WDPCP: variants seen among roughly 807,000 people sequenced by gnomAD.
WDPCP encodes WD repeat containing planar cell polarity effector, also known as WD repeat-containing and planar cell polarity effector protein fritz homolog.
WDPCP carries 71 observed loss-of-function variants against 93.1 expected under a neutral mutation model. The observed-to-expected ratio is 0.76, with a 90% CI of 0.63 to 0.93. The LOEUF (loss-of-function observed/expected upper bound fraction) is 0.93. Among genes scored for constraint, WDPCP ranks in the 40% least tolerant of loss-of-function variants. WDPCP has a pLI of 0.00. For synonymous variants in WDPCP, 315 were observed against 315.0 expected, an observed-to-expected ratio of 1.00 and a Z score of 0.00; for missense variants, 844 against 887.4, an observed-to-expected ratio of 0.95 and a Z score of 0.62.
chr2:63,765,806 G>A (rs1417793424), intron 2 of WDPCP, among the ~76,000 whole-genome samples: 1 of 152,208 alleles, frequency 6.6e-6, no homozygotes, highest in African/African-American at 2.4e-5. Flanking sequence ...TCATCTGCAT[G>A]GGAAACCCCT....
At chr2:63,348,942 T>G (rs1211563005) in intron 12 of WDPCP, among the ~76,000 whole-genome samples, 1 of 152,184 alleles carries the variant, frequency 6.6e-6, no homozygotes, top group Non-Finnish European at 1.5e-5. Context: ...CAGTATAAAT[T>G]GTGGACCTGA....
chr2:63,824,177 T>C (rs754389810), intron 1 of WDPCP, among the ~76,000 whole-genome samples: 20 of 152,038 alleles, frequency 1.3e-4, no homozygotes, highest in Non-Finnish European at 7.4e-5. Context: ...GTTTTATAAG[T>C]GTTTGACAGT....
intron 6 of WDPCP, among the ~76,000 whole-genome samples, chr2:63,470,773 T>C (rs770419176): frequency 6.6e-6 from 1 of 152,186 alleles, no homozygotes; most frequent in Non-Finnish European, 1.5e-5. Context: ...ATATAACTAG[T>C]GTCACATTTC....
rs185294046 is a variant in WDPCP, at chr2:63,810,222, G to T, written n.308+3400C>A. 1.2e-3 allele frequency among the ~76,000 whole-genome samples: 181 copies of T among 152,266 alleles called. 1 individual carries two copies. In the Middle Eastern group the frequency reaches 0.037, roughly 31 times the overall value. On this transcript the variant is annotated intron_variant and non_coding_transcript_variant, in intron 2 of 4. Transcript: ENST00000467687. ...CTTCTATTTTCCTCTGGATGATCTT[G>T]TCCACTCCATGACTTCAAATACCAT...
chr2:63,636,959 G>A (rs566665807), intron 3 of WDPCP, among the ~76,000 whole-genome samples: 1 of 152,320 alleles, frequency 6.6e-6, no homozygotes, highest in African/African-American at 2.4e-5. Flanking sequence ...ACTCGAAATT[G>A]TAAAACTCCT....
At chr2:63,212,160 AATTGTC>A (rs2104416373) in intron 14 of WDPCP, among the ~76,000 whole-genome samples, 1 of 152,272 alleles carries the variant, frequency 6.6e-6, no homozygotes, top group Admixed American at 6.5e-5. Context: ...CAGGACACAA[AATTGTC>A]AGATTCACCG....
At chr2:63,270,161 CCA>C (rs1450740016) in intron 13 of WDPCP, among the ~76,000 whole-genome samples, 1 of 152,006 alleles carries the variant, frequency 6.6e-6, no homozygotes, top group East Asian at 1.9e-4. Context: ...TATAAATGTT[CCA>C]CAGTCTTTCT....
chr2:63,294,298 G>A (rs1684672189), intron 13 of WDPCP, among the ~76,000 whole-genome samples: 1 of 129,998 alleles, frequency 7.7e-6, no homozygotes, highest in Non-Finnish European at 1.6e-5. Context: ...GAGGTCAGGA[G>A]TTCAGGACCA....
chr2:63,654,107 T>G (rs988946365), intron 2 of WDPCP, among the ~76,000 whole-genome samples: 1 of 151,882 alleles, frequency 6.6e-6, no homozygotes, highest in Non-Finnish European at 1.5e-5. Flanking sequence ...AATAAAGAGA[T>G]AAATGGAAGA....
chr2:63,407,895 T>C (rs1280445278), intron 9 of WDPCP, among the ~76,000 whole-genome samples: 2 of 152,094 alleles, frequency 1.3e-5, no homozygotes, highest in Non-Finnish European at 2.9e-5. Context: ...TCATGTCGAG[T>C]AGAGCCTGTA....
intron 6 of WDPCP, among the ~76,000 whole-genome samples, chr2:63,448,484 G>A (rs541723191): frequency 6.6e-6 from 1 of 151,204 alleles, no homozygotes; most frequent in African/African-American, 2.4e-5. Context: ...AATATGCAAT[G>A]AGATATGCTT....
Position 63,588,285 on chromosome 2 carries a change from C to A in WDPCP, c.-14G>T. On this transcript the variant is annotated 5_prime_UTR_variant, in exon 1 of 18. Coordinates refer to ENST00000272321, the MANE Select transcript of WDPCP (RefSeq NM_015910.7). ...CTCTCGCCTCATCACCAGACACTAC[C>A]CCGGGCAGAAGGTTCCTAGGCTAGG... is the stretch of plus-strand genomic sequence containing the variant. 1.3e-6 allele frequency: 2 copies of A among 1,568,912 alleles called. No homozygotes were observed. The highest frequency in any genetic ancestry group is 2.3e-5 in the South Asian group (2 of 85,742).
chr2:63,646,976 T>C (rs1194993949), intron 3 of WDPCP, among the ~76,000 whole-genome samples: 1 of 152,196 alleles, frequency 6.6e-6, no homozygotes, highest in Non-Finnish European at 1.5e-5. Context: ...TCTCTTATTA[T>C]ACCTTTGAAT....
chr2:63,621,587 T>C (rs1315209078), intron 3 of WDPCP, among the ~76,000 whole-genome samples: 1 of 152,136 alleles, frequency 6.6e-6, no homozygotes, highest in Non-Finnish European at 1.5e-5. Context: ...TGGAACCAAG[T>C]TGGAAAACAC....
At chr2:63,149,905 G>A (rs147966196) in intron 17 of WDPCP, among the ~76,000 whole-genome samples, 1,669 of 152,292 alleles carry the variant, frequency 0.011, 20 homozygotes, top group Middle Eastern at 0.024. Context: ...GAGGGCTGAG[G>A]TGGGATGACT....
intron 14 of WDPCP, among the ~76,000 whole-genome samples, chr2:63,184,406 C>T (rs1674474164): frequency 6.6e-6 from 1 of 151,932 alleles, no homozygotes; most frequent in South Asian, 2.1e-4. Flanking sequence ...TTATAGGGTT[C>T]GTCTAGTGGT....
chr2:63,810,137 T>C (rs1391261070), intron 2 of WDPCP, among the ~76,000 whole-genome samples: 1 of 152,098 alleles, frequency 6.6e-6, no homozygotes, highest in Non-Finnish European at 1.5e-5. Flanking sequence ...CAAACAGAAG[T>C]TGGTTTTATA....
At chr2:63,495,426 G>GT (rs1470609148) in intron 1 of WDPCP, among the ~76,000 whole-genome samples, 1 of 152,066 alleles carries the variant, frequency 6.6e-6, no homozygotes, top group South Asian at 2.1e-4. Context: ...TTACAGTTAA[G>GT]TTTTTTTCTT....
chr2:63,208,259 A>T (rs1008865692), intron 14 of WDPCP, among the ~76,000 whole-genome samples: 3 of 152,100 alleles, frequency 2.0e-5, no homozygotes, highest in Non-Finnish European at 4.4e-5. Flanking sequence ...TTTGTATGAG[A>T]TGTGATTGCA....
Sources: gnomAD v4.1 joint callset for allele counts (sites outside exome capture counted in the v4.1 genomes callset) on GRCh38, gnomAD v4.1.1 for gene constraint, MANE v1.5 for transcripts, NCBI Gene and HGNC (gene_info 2026-07-23, HGNC 2026-07-21) for gene names.